The following MED12L variants were observed in gnomAD, a reference collection of about 807,000 sequenced individuals.
The protein encoded by MED12L is mediator complex subunit 12L.
MED12L carries 60 observed loss-of-function variants against 281.3 expected under a neutral mutation model. The ratio of observed to expected loss-of-function variants is 0.21; its 90% CI spans 0.17 to 0.26. The LOEUF is 0.26. Ranked by LOEUF, MED12L falls within the 10% of genes least tolerant of loss-of-function variation. MED12L has a pLI of 1.00. For synonymous variants in MED12L, 974 were observed against 987.2 expected (o/e 0.99, Z 0.25); for missense variants, 2,146 against 2,680.9 (o/e 0.80, Z 4.41).
At chr3:151,149,869 C>T (rs1246798488) in intron 5 of MED12L, among the ~76,000 whole-genome samples, 1 of 152,194 alleles carries the variant, frequency 6.6e-6, no homozygotes, top group African/African-American at 2.4e-5. Context: ...GGCAACTCTT[C>T]ATGCTTAATT....
chr3:151,121,201 C>T lies in MED12L; in HGVS notation c.205-1582C>T, dbSNP rs79623093. Among the ~76,000 whole-genome samples the T allele has an allele frequency of 5.3e-5, 8 of 152,278 alleles. No homozygotes were observed. In the East Asian group the frequency reaches 1.2e-3, roughly 22 times the overall value. On this transcript the variant is annotated intron_variant, in intron 3 of 44. Coordinates refer to ENST00000687756, the MANE Select transcript of MED12L (RefSeq NM_001393769.1). ...TTGGCTGCTACTGGCTGCTTGTTTC[C>T]AAACAGCTGGTTTTCCTACATTTTT...
At chr3:151,282,967 A>C (rs1004164747) in intron 16 of MED12L, among the ~76,000 whole-genome samples, 5 of 152,220 alleles carry the variant, frequency 3.3e-5, no homozygotes, top group African/African-American at 9.7e-5. Flanking sequence ...TACATCATTA[A>C]GATGTGAGAT....
At chr3:151,282,364 T>TTTG (rs1553767951) in intron 16 of MED12L, among the ~76,000 whole-genome samples, 1 of 150,566 alleles carries the variant, frequency 6.6e-6, no homozygotes, top group African/African-American at 2.5e-5. Flanking sequence ...TTTTGTTTTT[T>TTTG]TTTGTTTGTT....
intron 16 of MED12L, among the ~76,000 whole-genome samples, chr3:151,302,102 G>A (rs1044701715): frequency 1.3e-5 from 2 of 152,136 alleles, no homozygotes; most frequent in Non-Finnish European, 2.9e-5. Flanking sequence ...TAGATGAACC[G>A]TGAAAACGTT....
chr3:151,298,684 G>T (rs1208076539), intron 16 of MED12L, among the ~76,000 whole-genome samples: 11 of 152,158 alleles, frequency 7.2e-5, no homozygotes, highest in Admixed American at 7.2e-4. Flanking sequence ...GGGAACTTTG[G>T]CTGTCTTTGC....
chr3:151,235,455 C>A (rs1732542243), intron 16 of MED12L, among the ~76,000 whole-genome samples: 1 of 152,164 alleles, frequency 6.6e-6, no homozygotes, highest in South Asian at 2.1e-4. Flanking sequence ...CTTGTAATCT[C>A]AACACTTTGG....
At chr3:151,292,800 C>T (rs1429486388) in intron 16 of MED12L, among the ~76,000 whole-genome samples, 4 of 152,108 alleles carry the variant, frequency 2.6e-5, no homozygotes, top group Non-Finnish European at 4.4e-5. Flanking sequence ...TGCTCCTCCT[C>T]TATATATATA....
chr3:151,357,730 G>T (rs2150062263), intron 20 of MED12L, among the ~76,000 whole-genome samples: 1 of 152,296 alleles, frequency 6.6e-6, no homozygotes, highest in East Asian at 1.9e-4. Context: ...TTCAGTTTAT[G>T]TTTGCAGACT....
intron 16 of MED12L, among the ~76,000 whole-genome samples, chr3:151,216,358 A>C (rs1044565669): frequency 6.6e-6 from 1 of 152,206 alleles, no homozygotes; most frequent in Non-Finnish European, 1.5e-5. Context: ...AGCACAGTGC[A>C]TATCACAGTG....
intron 2 of MED12L, among the ~76,000 whole-genome samples, chr3:151,089,256 G>A (rs1026588990): frequency 2.6e-5 from 4 of 151,990 alleles, no homozygotes; most frequent in East Asian, 1.9e-4. Flanking sequence ...ATGCACACAC[G>A]TATATGATTA....
intron 16 of MED12L, among the ~76,000 whole-genome samples, chr3:151,314,623 G>C (rs1468585725): frequency 1.3e-5 from 2 of 152,212 alleles, no homozygotes; most frequent in South Asian, 2.1e-4. Flanking sequence ...GCGAAGTCGA[G>C]ATTTGATTAA....
At chr3:151,205,899 T>A (rs1255026488) in intron 16 of MED12L, among the ~76,000 whole-genome samples, 1 of 152,088 alleles carries the variant, frequency 6.6e-6, no homozygotes, top group Non-Finnish European at 1.5e-5. Flanking sequence ...GTTCTTGCCT[T>A]CCTCATGGAG....
intron 11 of MED12L, among the ~76,000 whole-genome samples, chr3:151,181,419 ATT>A (rs201215650): frequency 2.1e-5 from 3 of 141,644 alleles, no homozygotes; most frequent in African/African-American, 5.2e-5. Flanking sequence ...CTTTCCTTCC[ATT>A]TTTTTTTTTT....
At chr3:151,424,028 G>T (rs934522151) in intron 43 of MED12L, among the ~76,000 whole-genome samples, 1 of 152,178 alleles carries the variant, frequency 6.6e-6, no homozygotes, top group East Asian at 1.9e-4. Flanking sequence ...TCTTCCTCAA[G>T]AAATTCATTT....
chr3:151,158,574 A>G (rs1231136563), intron 6 of MED12L, 115 bp from the exon 7 acceptor site: 8 of 628,966 alleles, frequency 1.3e-5, no homozygotes, highest in Admixed American at 3.0e-5. Flanking sequence ...CAATGAGACT[A>G]TGTTTAACAA....
In MED12L at chr3:151,156,320, A is replaced by C; in HGVS notation, c.716A>C (p.His239Pro). The change falls in exon 6 of 45, where the codon CAC becomes CCC. Residue 239 changes from histidine to proline, a missense_variant. Coordinates refer to ENST00000687756, the MANE Select transcript of MED12L (RefSeq NM_001393769.1). ...QWEYNEKLAF[H>P]MFQEGMLEKH... is the part of the protein sequence containing the mutation. ...GAATACAACGAAAAGCTAGCATTTC[A>C]CATGTTCCAGGTAACCTTTTGAAGA... 6.2e-7 allele frequency: 1 copy of C among 1,606,252 alleles called. No individual in the cohort carries two copies. The highest frequency in any genetic ancestry group is 8.5e-7 in the Non-Finnish European group (1 of 1,177,026).
At chr3:151,191,820 T>C (rs1048668286) in intron 14 of MED12L, among the ~76,000 whole-genome samples, 1 of 151,922 alleles carries the variant, frequency 6.6e-6, no homozygotes, top group African/African-American at 2.4e-5. Flanking sequence ...GCAGGAGAAT[T>C]GCTTGAACCC....
chr3:151,087,920 C>A (rs1392303225), intron 2 of MED12L, among the ~76,000 whole-genome samples: 2 of 151,942 alleles, frequency 1.3e-5, no homozygotes, highest in African/African-American at 4.8e-5. Context: ...TGCTACCCAG[C>A]AGTGCTTTCT....
chr3:151,430,451 T>A (rs1226913272), intron 44 of MED12L, 71 bp downstream of exon 44: 1 of 1,600,868 alleles, frequency 6.2e-7, no homozygotes, highest in African/African-American at 1.3e-5. Flanking sequence ...AAACGTAAAG[T>A]GGCGGCTCTC....
Sources: gnomAD v4.1 joint callset for allele counts (sites outside exome capture counted in the v4.1 genomes callset) on GRCh38, gnomAD v4.1.1 for gene constraint, MANE v1.5 for transcripts, NCBI Gene and HGNC (gene_info 2026-07-23, HGNC 2026-07-21) for gene names.